FRMD6: variants seen among roughly 807,000 people sequenced by gnomAD.
FRMD6 encodes FERM domain containing 6, also known as FERM domain-containing protein 6.
A neutral mutation model predicts 73.2 loss-of-function variants in FRMD6; 37 were observed. The observed-to-expected ratio is 0.51, with a 90% CI of 0.39 to 0.66. The LOEUF (loss-of-function observed/expected upper bound fraction) is 0.66. FRMD6 is among the 30% of genes least tolerant of loss of function. The probability of loss-of-function intolerance (pLI) is 0.00; values close to 1 mark genes in which losing one functional copy is unlikely to be tolerated. For missense variants in FRMD6, 714 were observed against 780.5 expected (o/e 0.91, Z 1.02); for synonymous variants, 273 against 282.2 (o/e 0.97, Z 0.33).
At chr14:51,653,988 A>G (rs1892630571) in intron 1 of FRMD6, among the ~76,000 whole-genome samples, 1 of 152,186 alleles carries the variant, frequency 6.6e-6, no homozygotes, top group Admixed American at 6.5e-5. Context: ...AGTTGCTTGC[A>G]AGAATCTCTG....
chr14:51,669,854 A>ATTTTT (rs1421386404), intron 1 of FRMD6, among the ~76,000 whole-genome samples: 1 of 152,018 alleles, frequency 6.6e-6, no homozygotes, highest in Non-Finnish European at 1.5e-5. Flanking sequence ...AAAAAGCAAA[A>ATTTTT]TTTTTGTGGT....
chr14:51,470,756 T>G, the FRMD6 span, among the ~76,000 whole-genome samples: 1 of 152,248 alleles, frequency 6.6e-6, no homozygotes, highest in Non-Finnish European at 1.5e-5. Flanking sequence ...TTTTTGTCTT[T>G]GACTTATGAA....
chr14:51,702,717 A>G lies in FRMD6; in HGVS notation c.371+129A>G, dbSNP rs139274584. ...GGATATAAACTCTGTAGGAGCAGCA[A>G]TTTTTTTCTTTTTAATATTTTGTAC... On this transcript the variant is annotated intron_variant, in intron 5 of 13. Transcript: ENST00000344768. 3.2e-4 allele frequency: 226 copies of G among 698,100 alleles called. 1 individual carries two copies. Among genetic ancestry groups the G allele is most frequent in the African/African-American group, 3.1e-3 (173 of 55,774 alleles). The allele number at this position is 698,100 out of a possible 1,614,324, so 43.2% of individuals were successfully genotyped here. A position where few individuals can be genotyped will look rare whatever the true frequency, so the allele number is the denominator to read the frequency against.
intron 1 of FRMD6, among the ~76,000 whole-genome samples, chr14:51,662,912 A>G (rs1002923736): frequency 3.9e-5 from 6 of 152,216 alleles, no homozygotes; most frequent in Non-Finnish European, 7.3e-5. Flanking sequence ...TGCAGCATCT[A>G]TAAGGAACTT....
rs1342897296 is a variant in FRMD6, at chr14:51,554,211, G to A, written c.-209-16137G>A. ...TTTGACAAATAAAATAAATAAATAA[G>A]CATTTGGATTATATCTCAAAATACA... On this transcript the variant is annotated intron_variant, in intron 1 of 14. Transcript: ENST00000356218. Among the ~76,000 whole-genome samples the A allele has an allele frequency of 2.0e-5, 3 of 152,190 alleles. No individual in the cohort carries two copies. In the East Asian group the frequency reaches 5.8e-4, roughly 29 times the overall value.
At chr14:51,579,945 C>T (rs1222303112) in intron 2 of FRMD6, among the ~76,000 whole-genome samples, 2 of 152,210 alleles carry the variant, frequency 1.3e-5, no homozygotes, top group Non-Finnish European at 2.9e-5. Flanking sequence ...TCTGCCAGAG[C>T]TCCACTGTTA....
the FRMD6 span, among the ~76,000 whole-genome samples, chr14:51,439,244 C>G: frequency 6.6e-6 from 1 of 152,196 alleles, no homozygotes; most frequent in African/African-American, 2.4e-5. Context: ...GTATAGGTCT[C>G]TGTTTAGTAA....
At chr14:51,486,936 G>GTTTTTTTT (rs5808614), upstream of FRMD6, among the ~76,000 whole-genome samples, 2 of 146,338 alleles carry the variant, frequency 1.4e-5, no homozygotes, top group African/African-American at 2.5e-5. Context: ...GTATAAAACC[G>GTTTTTTTT]TTTTTTTTTT....
chr14:51,489,958 A>G (rs1882900210), intron 1 of FRMD6, among the ~76,000 whole-genome samples: 1 of 152,238 alleles, frequency 6.6e-6, no homozygotes, highest in Non-Finnish European at 1.5e-5. Context: ...TGTCGGTTAC[A>G]TTAGTATCAG....
chr14:51,725,312 A>G (rs1452666223), intron 12 of FRMD6, among the ~76,000 whole-genome samples: 1 of 152,156 alleles, frequency 6.6e-6, no homozygotes, highest in Non-Finnish European at 1.5e-5. Context: ...GATCTATCTG[A>G]CTTCAGAGGC....
chr14:51,667,031 G>T (rs939611188), intron 1 of FRMD6, among the ~76,000 whole-genome samples: 8 of 152,130 alleles, frequency 5.3e-5, no homozygotes, highest in Non-Finnish European at 1.2e-4. Context: ...GCACTCTGGA[G>T]ATTGAGGCGG....
At chr14:51,563,627 G>T (rs1339535988) in intron 1 of FRMD6, among the ~76,000 whole-genome samples, 1 of 152,062 alleles carries the variant, frequency 6.6e-6, no homozygotes, top group Non-Finnish European at 1.5e-5. Context: ...CTGAGATCAT[G>T]CCACTGCACT....
intron 2 of FRMD6, among the ~76,000 whole-genome samples, chr14:51,631,098 G>C (rs1266388161): frequency 4.6e-5 from 7 of 151,980 alleles, no homozygotes; most frequent in Admixed American, 4.6e-4. Flanking sequence ...AATCCACAGA[G>C]ACAGTTTTGC....
chr14:51,508,064 C>T (rs1423376585), intron 1 of FRMD6, among the ~76,000 whole-genome samples: 1 of 152,200 alleles, frequency 6.6e-6, no homozygotes, highest in Non-Finnish European at 1.5e-5. Context: ...ATCGCAGACC[C>T]TGCAGCCAGC....
In FRMD6 at chr14:51,678,978, T is replaced by G. The variant is rs895028160; in HGVS notation, c.-146-10713T>G. ...AACTGCAGTAATTCAGAACATGAAT[T>G]GGAAAATACTCACACTGAGGAGGAA... On this transcript the variant is annotated intron_variant, in intron 1 of 13. Coordinates refer to ENST00000344768, the MANE Select transcript of FRMD6 (RefSeq NM_001267046.2). 5.9e-5 allele frequency among the ~76,000 whole-genome samples: 9 copies of G among 152,220 alleles called. No homozygotes were observed. The East Asian group carries it at 1.7e-3, about 29-fold the overall frequency.
In FRMD6 at chr14:51,627,319, G is replaced by T. The variant is rs776887515; in HGVS notation, c.-147+56909G>T. The stretch of plus-strand genomic sequence containing the variant: ...CAAATTGATAATCTCAACTTCTTAT[G>T]TATGTTTGTGGATGAGATTAGAAAG... On this transcript the variant is annotated intron_variant, in intron 2 of 14. Coordinates refer to the FRMD6 transcript ENST00000356218. 3.9e-5 allele frequency among the ~76,000 whole-genome samples: 6 copies of T among 152,302 alleles called. 2 individuals carry two copies. In the Middle Eastern group the frequency reaches 0.021, roughly 522 times the overall value.
chr14:51,439,438 C>G, the FRMD6 span, among the ~76,000 whole-genome samples: 5 of 152,124 alleles, frequency 3.3e-5, no homozygotes, highest in East Asian at 7.7e-4. Context: ...ATGCAAGGCT[C>G]TTTGCTTTAT....
intron 4 of FRMD6, among the ~76,000 whole-genome samples, chr14:51,701,800 A>G (rs1332638603): frequency 2.0e-5 from 3 of 151,714 alleles, no homozygotes; most frequent in African/African-American, 7.2e-5. Flanking sequence ...TTTTTTGGCT[A>G]TGCTAGGTGT....
chr14:51,507,739 A>C (rs1884054713), intron 1 of FRMD6, among the ~76,000 whole-genome samples: 1 of 151,332 alleles, frequency 6.6e-6, no homozygotes, highest in Non-Finnish European at 1.5e-5. Flanking sequence ...GTGTTTGTTG[A>C]AAACACAACC....
Sources: allele counts gnomAD v4.1 joint callset (sites outside exome capture counted in the v4.1 genomes callset), GRCh38; gene constraint gnomAD v4.1.1; transcripts MANE v1.5; gene names NCBI Gene and HGNC (gene_info 2026-07-23, HGNC 2026-07-21).